The following SRFBP1 variants were observed in gnomAD, a reference collection of about 807,000 sequenced individuals.
The protein encoded by SRFBP1 is serum response factor-binding protein 1.
In SRFBP1, 47 loss-of-function variants were observed where a neutral mutation model predicts 45.5. The observed-to-expected ratio is 1.03, with a 90% CI of 0.82 to 1.32. SRFBP1 has a LOEUF of 1.32. SRFBP1 is among the 40% of genes most tolerant of loss of function. The probability of loss-of-function intolerance (pLI) is 0.00; values close to 1 mark genes in which losing one functional copy is unlikely to be tolerated. For synonymous variants in SRFBP1, 203 were observed against 166.3 expected (o/e 1.22, Z -1.70); for missense variants, 621 against 484.6 (o/e 1.28, Z -2.64).
downstream of SRFBP1, chr5:122,077,728 C>T (rs1014622858): frequency 8.9e-6 from 14 of 1,579,248 alleles, no homozygotes; most frequent in African/African-American, 1.5e-4. The surrounding 1 kb of genome is among the most constrained non-coding windows in gnomAD (Gnocchi z 4.9). Flanking sequence ...GAGTGCGGGG[C>T]TGCTGGGCGG....
chr5:121,966,514 T>C (rs925491351), intron 1 of SRFBP1, among the ~76,000 whole-genome samples: 1 of 152,210 alleles, frequency 6.6e-6, no homozygotes, highest in Non-Finnish European at 1.5e-5. Flanking sequence ...AGGGAAAATC[T>C]CCTAAATGCT....
chr5:121,999,702 C>T (rs142120999), intron 4 of SRFBP1, among the ~76,000 whole-genome samples: 13 of 152,066 alleles, frequency 8.5e-5, no homozygotes, highest in Non-Finnish European at 1.8e-4. Context: ...TCCTTAACCC[C>T]GATAATATTT....
At chr5:122,078,390 C>G (rs1291222416), downstream of SRFBP1, 1 of 162,738 alleles carries the variant, frequency 6.1e-6, no homozygotes, top group African/African-American at 2.4e-5. Context: ...GCGGACAGCT[C>G]CTCGCCTCTG....
chr5:122,068,589 G>C (rs931812248), intron 2 of SRFBP1, among the ~76,000 whole-genome samples: 2 of 152,250 alleles, frequency 1.3e-5, no homozygotes, highest in South Asian at 2.1e-4. Context: ...CAAGGTGGCA[G>C]ACCTGTACCT....
intron 3 of SRFBP1, among the ~76,000 whole-genome samples, chr5:121,992,697 A>G (rs1752642830): frequency 6.6e-6 from 1 of 152,066 alleles, no homozygotes; most frequent in Non-Finnish European, 1.5e-5. Context: ...GTATCATACT[A>G]CTAGAACTAC....
At chr5:122,064,267 A>G (rs1182099432) in intron 2 of SRFBP1, 3 of 151,986 alleles carry the variant, frequency 2.0e-5, no homozygotes, top group African/African-American at 4.8e-5. Context: ...ACTAATTATT[A>G]TCTTTGAGTT....
intron 4 of SRFBP1, 110 bp from the exon 5 acceptor site, chr5:122,019,150 C>G: frequency 2.3e-6 from 2 of 875,494 alleles, no homozygotes; most frequent in Non-Finnish European, 3.6e-6. Flanking sequence ...TTAACTAGTT[C>G]TATTCTCCAA....
intron 4 of SRFBP1, among the ~76,000 whole-genome samples, chr5:122,000,532 A>AT (rs1481403891): frequency 1.3e-5 from 2 of 151,902 alleles, no homozygotes; most frequent in Admixed American, 1.3e-4. Context: ...TTTGTCCTTT[A>AT]TTTTAAAAAA....
At chr5:121,982,485 T>C (rs1049912321) in intron 3 of SRFBP1, among the ~76,000 whole-genome samples, 3 of 152,046 alleles carry the variant, frequency 2.0e-5, no homozygotes, top group African/African-American at 7.2e-5. Context: ...ATGATTTTCA[T>C]TGGAGGCCAT....
chr5:121,997,369 T>A (rs1389724551), intron 4 of SRFBP1, among the ~76,000 whole-genome samples: 1 of 146,474 alleles, frequency 6.8e-6, no homozygotes, highest in South Asian at 2.1e-4. Flanking sequence ...CGCATACCTA[T>A]AACTGTCTGA....
chr5:121,980,262 TA>T (rs1248593816), intron 3 of SRFBP1, among the ~76,000 whole-genome samples: 8 of 152,118 alleles, frequency 5.3e-5, no homozygotes, highest in African/African-American at 1.9e-4. Flanking sequence ...AATACTATAA[TA>T]TAATAATAGT....
chr5:122,050,243 A>G (rs1310552221), intron 2 of SRFBP1, among the ~76,000 whole-genome samples: 1 of 152,024 alleles, frequency 6.6e-6, no homozygotes, highest in African/African-American at 2.4e-5. Context: ...TGATATCAGG[A>G]TGATCTTAGC....
chr5:122,028,983 A>G (rs1336247212), downstream of SRFBP1, among the ~76,000 whole-genome samples: 1 of 152,150 alleles, frequency 6.6e-6, no homozygotes, highest in Non-Finnish European at 1.5e-5. Flanking sequence ...GTTACTTAGA[A>G]TCAGATGGTC....
At chr5:122,066,905 C>A (rs375413174) in intron 2 of SRFBP1, among the ~76,000 whole-genome samples, 1 of 152,234 alleles carries the variant, frequency 6.6e-6, no homozygotes, top group East Asian at 1.9e-4. Context: ...AGTAGTACAT[C>A]ATTTTAATAA....
At chr5:122,041,954 G>A (rs1448046735) in intron 2 of SRFBP1, among the ~76,000 whole-genome samples, 1 of 152,098 alleles carries the variant, frequency 6.6e-6, no homozygotes, top group Non-Finnish European at 1.5e-5. Flanking sequence ...CAGATATGGT[G>A]TTAAGATCTA....
chr5:121,966,994 C>T (rs1324812783), intron 1 of SRFBP1, among the ~76,000 whole-genome samples: 5 of 144,386 alleles, frequency 3.5e-5, no homozygotes, highest in South Asian at 2.2e-4. Context: ...AGGGTTTCAC[C>T]GTGTTAGCCA....
chr5:122,065,499 G>A (rs1195523916), intron 2 of SRFBP1: 1 of 152,030 alleles, frequency 6.6e-6, no homozygotes, highest in Non-Finnish European at 1.5e-5. Context: ...AATCACAGCT[G>A]TCTCATTACG....
chr5:122,078,811 A>T (rs968349602), downstream of SRFBP1, among the ~76,000 whole-genome samples: 4 of 152,258 alleles, frequency 2.6e-5, no homozygotes, highest in African/African-American at 9.6e-5. Flanking sequence ...GTGTGTAGGT[A>T]ATATGAGAAA....
chr5:122,020,302 A>G lies in SRFBP1; in HGVS notation c.567A>G (p.Ala189=), dbSNP rs780974767. The change falls in exon 6 of 8, where the codon GCA becomes GCG. Residue 189 remains alanine, a synonymous_variant. Coordinates refer to ENST00000339397, the MANE Select transcript of SRFBP1 (RefSeq NM_152546.3). ...KPIHNSKEKI[A]KMEHGPKAVT... Reference sequence around the variant, plus strand: ...TACATAATTCAAAGGAAAAAATAGCAAAGATGGAACATGGACCTAAAGCAG... The same window carrying G: ...TACATAATTCAAAGGAAAAAATAGCGAAGATGGAACATGGACCTAAAGCAG... The G allele has an allele frequency of 1.1e-5, 17 of 1,611,958 alleles. No individual in the cohort carries two copies. The highest frequency in any genetic ancestry group is 1.4e-5 in the Non-Finnish European group (17 of 1,179,514).
Sources: gnomAD v4.1 joint callset for allele counts (sites outside exome capture counted in the v4.1 genomes callset) on GRCh38, gnomAD v4.1.1 for gene constraint, Gnocchi (gnomAD v3.1) non-coding constraint, MANE v1.5 for transcripts, NCBI Gene and HGNC (gene_info 2026-07-23, HGNC 2026-07-21) for gene names.